THSD4: variants seen among roughly 807,000 people sequenced by gnomAD.
THSD4 encodes thrombospondin type-1 domain-containing protein 4.
In THSD4, 69 loss-of-function variants were observed where a neutral mutation model predicts 119.0. The ratio of observed to expected loss-of-function variants is 0.58; its 90% CI spans 0.48 to 0.71. THSD4 has a LOEUF of 0.71. Ranked by LOEUF, THSD4 falls within the 30% of genes least tolerant of loss-of-function variation. The pLI is 0.00. For missense variants in THSD4, 1,393 were observed against 1,391.1 expected (o/e 1.00, Z -0.02); for synonymous variants, 524 against 540.4 (o/e 0.97, Z 0.42).
At chr15:71,539,344 G>A (rs1040513067) in intron 7 of THSD4, among the ~76,000 whole-genome samples, 2 of 152,156 alleles carry the variant, frequency 1.3e-5, no homozygotes, top group Non-Finnish European at 2.9e-5. Flanking sequence ...TCCACACAAT[G>A]TCAGCATATG....
intron 14 of THSD4, among the ~76,000 whole-genome samples, chr15:71,753,732 TCCTTCCC>T (rs1415627029): frequency 1.3e-5 from 2 of 152,246 alleles, no homozygotes; most frequent in Non-Finnish European, 2.9e-5. Flanking sequence ...TAGGGACTTC[TCCTTCCC>T]CTTGCTTCTG....
At chr15:71,270,891 A>C (rs903689342) in intron 6 of THSD4, among the ~76,000 whole-genome samples, 2 of 150,152 alleles carry the variant, frequency 1.3e-5, no homozygotes, top group Non-Finnish European at 3.0e-5. Context: ...TACTTTAAGG[A>C]GAAGGGAAAG....
chr15:71,323,502 G>C (rs1324206335), intron 6 of THSD4, among the ~76,000 whole-genome samples: 1 of 152,224 alleles, frequency 6.6e-6, no homozygotes, highest in African/African-American at 2.4e-5. Context: ...CATTCTCTCA[G>C]GTTCCCTGAA....
chr15:71,400,588 A>T (rs1006384846), intron 6 of THSD4, among the ~76,000 whole-genome samples: 16 of 152,194 alleles, frequency 1.1e-4, no homozygotes, highest in African/African-American at 3.1e-4. Context: ...TGTGGCTCTG[A>T]CTGCTCCTGG....
intron 7 of THSD4, among the ~76,000 whole-genome samples, chr15:71,478,548 G>T (rs780863099): frequency 6.6e-6 from 1 of 152,180 alleles, no homozygotes; most frequent in Non-Finnish European, 1.5e-5. Flanking sequence ...AACAGCACCT[G>T]TAGTAACCTG....
intron 7 of THSD4, among the ~76,000 whole-genome samples, chr15:71,431,514 T>C (rs73439699): frequency 0.1 from 15,737 of 152,164 alleles, 1,126 homozygotes; most frequent in Admixed American, 0.18. Context: ...AAAAATCTTA[T>C]GAGAGTTCAC....
At chr15:71,640,059 G>A (rs905074) in intron 7 of THSD4, among the ~76,000 whole-genome samples, 139,673 of 152,136 alleles carry the variant, frequency 0.92, 65,355 homozygotes, top group East Asian at 1. Flanking sequence ...TTGGAAAAGT[G>A]GTAACAACGG....
chr15:71,310,921 G>A (rs1399757760), intron 6 of THSD4, among the ~76,000 whole-genome samples: 2 of 152,074 alleles, frequency 1.3e-5, no homozygotes, highest in Admixed American at 6.6e-5. Flanking sequence ...GTTGTTTACT[G>A]AGCCCCAACA....
At chr15:71,099,224 T>C (rs1314996846) in intron 1 of THSD4, among the ~76,000 whole-genome samples, 4 of 152,230 alleles carry the variant, frequency 2.6e-5, no homozygotes, top group African/African-American at 7.2e-5. Flanking sequence ...AAATGTTCCA[T>C]GTACACTTGA....
chr15:71,357,987 G>A (rs2045843550), intron 6 of THSD4, among the ~76,000 whole-genome samples: 1 of 152,202 alleles, frequency 6.6e-6, no homozygotes, highest in African/African-American at 2.4e-5. Context: ...TGCTGTCTGT[G>A]AAGACTGTGG....
intron 6 of THSD4, among the ~76,000 whole-genome samples, chr15:71,404,639 A>G (rs2046580405): frequency 6.6e-6 from 1 of 152,180 alleles, no homozygotes; most frequent in Non-Finnish European, 1.5e-5. Flanking sequence ...GAATTAAGTC[A>G]TGAGGGCTCC....
chr15:71,352,166 T>A (rs896405760), intron 6 of THSD4, among the ~76,000 whole-genome samples: 2 of 152,236 alleles, frequency 1.3e-5, no homozygotes. Context: ...TTTGTCCTCT[T>A]TGTCTTTTAA....
chr15:71,617,383 A>G (rs1244764441), intron 7 of THSD4, among the ~76,000 whole-genome samples: 1 of 152,118 alleles, frequency 6.6e-6, no homozygotes, highest in East Asian at 1.9e-4. Flanking sequence ...TGTTTTTGTC[A>G]GTCATTTCTC....
chr15:71,402,218 A>G (rs1200273024), intron 6 of THSD4, among the ~76,000 whole-genome samples: 3 of 149,780 alleles, frequency 2.0e-5, no homozygotes, highest in African/African-American at 4.9e-5. Flanking sequence ...AACCTGTTAA[A>G]GTATAATAAT....
chr15:71,638,139 G>T (rs2050786606), intron 7 of THSD4, among the ~76,000 whole-genome samples: 1 of 152,216 alleles, frequency 6.6e-6, no homozygotes, highest in African/African-American at 2.4e-5. Flanking sequence ...GAAGCATCAA[G>T]CTTGGAGCCA....
At chr15:71,520,496 G>A (rs192979819) in intron 7 of THSD4, among the ~76,000 whole-genome samples, 39 of 152,282 alleles carry the variant, frequency 2.6e-4, no homozygotes, top group African/African-American at 8.7e-4. Flanking sequence ...GAAGAGTTTC[G>A]TCTAAACAAG....
At chr15:71,421,948 T>C (rs982766857) in intron 7 of THSD4, among the ~76,000 whole-genome samples, 2 of 152,236 alleles carry the variant, frequency 1.3e-5, no homozygotes, top group African/African-American at 4.8e-5. Context: ...AGTTCTGCTA[T>C]TAAGAGACTC....
intron 6 of THSD4, 111 bp downstream of exon 6, chr15:71,256,826 TA>T (rs2044323569): frequency 1.0e-6 from 1 of 958,992 alleles, no homozygotes; most frequent in Non-Finnish European, 1.6e-6. Flanking sequence ...GGGGTGTCAA[TA>T]GGGGAGAAAG....
At chr15:71,586,632 A>C (rs1043874449) in intron 7 of THSD4, among the ~76,000 whole-genome samples, 1 of 152,160 alleles carries the variant, frequency 6.6e-6, no homozygotes, top group African/African-American at 2.4e-5. Context: ...AGAGAAAACT[A>C]TCTGCTTTTA....
Sources: allele counts gnomAD v4.1 joint callset (sites outside exome capture counted in the v4.1 genomes callset), GRCh38; gene constraint gnomAD v4.1.1; transcripts MANE v1.5; gene names NCBI Gene and HGNC (gene_info 2026-07-23, HGNC 2026-07-21).